Variants in STAU2 observed in about 807,000 individuals in gnomAD.
STAU2 encodes staufen double-stranded RNA binding protein 2.
STAU2 carries 20 observed loss-of-function variants against 65.9 expected under a neutral mutation model. The observed-to-expected ratio is 0.30, with a 90% CI of 0.21 to 0.44. The LOEUF (loss-of-function observed/expected upper bound fraction) is 0.44. Ranked by LOEUF, STAU2 falls within the 20% of genes least tolerant of loss-of-function variation. The pLI is 1.00. For synonymous variants in STAU2, 232 were observed against 233.9 expected, an observed-to-expected ratio of 0.99 and a Z score of 0.07; for missense variants, 558 against 683.9, an observed-to-expected ratio of 0.82 and a Z score of 2.05.
Position 73,422,630 on chromosome 8 carries a change from T to C in STAU2, c.1603A>G (p.Lys535Glu). ...DPIDGAMNIE[K>E]GSLEKQAKHL... ...TTTACTCACTTTTCAAGAGAACCTT[T>C]TTCGATATTCATTGCTCCATCGATT... The change falls in exon 14 of 15, where the codon AAA (lysine) becomes GAA (glutamate). Residue 535 changes from lysine to glutamate, a missense_variant. Physicochemically the swap from Lys to Glu is moderately conservative, Grantham distance 56 (BLOSUM62 1). Around this residue, in one of 3 missense-constraint regions of STAU2, gnomAD observed 247 missense variants for 270.1 expected, o/e 0.91. Transcript: ENST00000524300. The C allele has an allele frequency of 1.3e-6, 2 of 1,516,284 alleles. No individual in the cohort carries two copies. Among genetic ancestry groups the C allele is most frequent in the Non-Finnish European group, 1.8e-6 (2 of 1,140,186 alleles). 93.9% of individuals were successfully genotyped at this position (1,516,284 alleles called of 1,614,324 possible).
At chr8:73,489,082 A>AT (rs544693144) in intron 13 of STAU2, among the ~76,000 whole-genome samples, 5 of 151,366 alleles carry the variant, frequency 3.3e-5, no homozygotes, top group South Asian at 2.1e-4. Context: ...AGCAGAAGGA[A>AT]TTTTTTTTTC....
intron 14 of STAU2, among the ~76,000 whole-genome samples, chr8:73,421,935 A>G (rs75925788): frequency 0.029 from 4,298 of 148,524 alleles, 69 homozygotes; most frequent in African/African-American, 0.044. Context: ...GAATTCTACT[A>G]TATAAATATA....
At chr8:73,746,961 C>T, upstream of STAU2, 2 of 787,790 alleles carry the variant, frequency 2.5e-6, no homozygotes, top group Non-Finnish European at 3.1e-6. Flanking sequence ...CGCGCGCCCC[C>T]GCCTGCGCAG....
chr8:73,719,089 C>T (rs1821462035), intron 3 of STAU2, among the ~76,000 whole-genome samples: 3 of 152,126 alleles, frequency 2.0e-5, no homozygotes, highest in Admixed American at 2.0e-4. Flanking sequence ...GTGGACATCC[C>T]GTCTTCTTTT....
intron 13 of STAU2, among the ~76,000 whole-genome samples, chr8:73,444,649 T>C (rs6981401): frequency 0.49 from 74,239 of 151,986 alleles, 18,474 homozygotes; most frequent in Admixed American, 0.58. Context: ...TAGAACAGGA[T>C]AGAGTTAGGT....
At chr8:73,632,258 T>C (rs540502308) in intron 6 of STAU2, among the ~76,000 whole-genome samples, 350 of 150,810 alleles carry the variant, frequency 2.3e-3, no homozygotes, top group African/African-American at 7.4e-3. Flanking sequence ...TTAAGTTCAG[T>C]ACATTAAAAA....
chr8:73,687,383 T>TTAA (rs1563507063), intron 5 of STAU2, among the ~76,000 whole-genome samples: 1 of 115,174 alleles, frequency 8.7e-6, no homozygotes, highest in Admixed American at 1.0e-4. Context: ...ATAATTTATA[T>TTAA]TTATAAAAAT....
intron 13 of STAU2, among the ~76,000 whole-genome samples, chr8:73,462,757 T>C (rs959902429): frequency 2.2e-4 from 34 of 152,186 alleles, no homozygotes; most frequent in African/African-American, 8.2e-4. Flanking sequence ...GCTGCATCTA[T>C]GCACTTCAAG....
rs150486276 is a variant in STAU2, at chr8:73,617,638, C to T, written c.411-187G>A. Among the ~76,000 whole-genome samples the T allele has an allele frequency of 8.4e-4, 128 of 152,176 alleles. No homozygotes were observed. In the East Asian group the frequency reaches 0.02, roughly 23 times the overall value. ...TCTATAGATAATAGCTTATACTGAT[C>T]TCCATGAAAAACATATATAGAATAC... is the stretch of plus-strand genomic sequence containing the variant. On this transcript the variant is annotated intron_variant, in intron 6 of 14. Coordinates refer to ENST00000524300, the MANE Select transcript of STAU2 (RefSeq NM_001164380.2).
At chr8:73,685,674 C>A (rs938172002) in intron 5 of STAU2, among the ~76,000 whole-genome samples, 1 of 152,014 alleles carries the variant, frequency 6.6e-6, no homozygotes, top group African/African-American at 2.4e-5. Flanking sequence ...CTGCGCCCAG[C>A]CAAAAAGAAA....
At chr8:73,633,551 C>A (rs1189751123) in intron 6 of STAU2, among the ~76,000 whole-genome samples, 2 of 152,078 alleles carry the variant, frequency 1.3e-5, no homozygotes, top group African/African-American at 4.8e-5. Flanking sequence ...ACTCCAAGTA[C>A]CTCTTAACAT....
intron 6 of STAU2, among the ~76,000 whole-genome samples, chr8:73,626,995 C>A (rs1813692499): frequency 1.3e-5 from 2 of 151,852 alleles, no homozygotes; most frequent in South Asian, 2.1e-4. Context: ...GTAAGATGTG[C>A]CTCCCCTGTG....
chr8:73,487,896 T>G (rs1280106846), intron 13 of STAU2, among the ~76,000 whole-genome samples: 1 of 152,100 alleles, frequency 6.6e-6, no homozygotes, highest in Non-Finnish European at 1.5e-5. Context: ...CTATGTTAGC[T>G]GATTGAGATA....
rs565759839 is a variant in STAU2, at chr8:73,730,555, C to T, written c.-18+7729G>A. On this transcript the variant is annotated intron_variant, in intron 3 of 14. Transcript: ENST00000524300. ...CAGTCTGGCCAACATGGCAAAACCC[C>T]GTCTCTACTAAAAATACAAAAATTA... Among the ~76,000 whole-genome samples the T allele has an allele frequency of 3.9e-5, 6 of 151,980 alleles. No individual in the cohort carries two copies. The East Asian group carries it at 9.7e-4, about 25-fold the overall frequency.
chr8:73,552,754 A>G (rs1807429094), intron 12 of STAU2, among the ~76,000 whole-genome samples: 1 of 152,162 alleles, frequency 6.6e-6, no homozygotes, highest in Admixed American at 6.5e-5. Context: ...ATCAGTCCAA[A>G]TTTCTTTGGA....
chr8:73,681,464 G>T (rs1818426038), intron 5 of STAU2, among the ~76,000 whole-genome samples: 1 of 152,064 alleles, frequency 6.6e-6, no homozygotes, highest in Non-Finnish European at 1.5e-5. Flanking sequence ...GTAATAAAAT[G>T]AATTATTAAA....
At chr8:73,462,934 G>C (rs757494297) in intron 13 of STAU2, among the ~76,000 whole-genome samples, 26 of 152,138 alleles carry the variant, frequency 1.7e-4, no homozygotes, top group Non-Finnish European at 2.6e-4. Context: ...AACCTTCTCT[G>C]AACATGTTTT....
At chr8:73,607,677 C>T (rs568283295) in intron 9 of STAU2, among the ~76,000 whole-genome samples, 18 of 147,762 alleles carry the variant, frequency 1.2e-4, no homozygotes, top group African/African-American at 4.3e-4. Context: ...GAGGAGGTTG[C>T]GGTGAGCCAA....
intron 13 of STAU2, among the ~76,000 whole-genome samples, chr8:73,480,245 T>C (rs997201531): frequency 6.6e-6 from 1 of 152,154 alleles, no homozygotes; most frequent in African/African-American, 2.4e-5. Context: ...CATGTCTTCC[T>C]TATGCCTCTG....
Sources: allele counts gnomAD v4.1 joint callset (sites outside exome capture counted in the v4.1 genomes callset), GRCh38; gene constraint gnomAD v4.1.1; regional missense constraint gnomAD v4.1.1; transcripts MANE v1.5; gene names NCBI Gene and HGNC (gene_info 2026-07-23, HGNC 2026-07-21).